Variants in FOXN3 observed in about 807,000 individuals in gnomAD.
The protein encoded by FOXN3 is forkhead box protein N3.
Under a neutral mutation model 38.4 loss-of-function variants are expected in FOXN3, and 7 were observed. That is an observed-to-expected ratio of 0.18 (90% CI 0.10 to 0.34). The LOEUF (loss-of-function observed/expected upper bound fraction) is 0.34. Among genes scored for constraint, FOXN3 ranks in the 10% least tolerant of loss-of-function variants. The pLI is 1.00. For synonymous variants in FOXN3, 230 were observed against 242.2 expected (o/e 0.95, Z 0.47); for missense variants, 456 against 613.4 (o/e 0.74, Z 2.71).
In FOXN3 at chr14:89,459,159, AAAAG is replaced by A. The variant is rs557531002; in HGVS notation, c.-14-46673_-14-46670del. 5.3e-3 allele frequency among the ~76,000 whole-genome samples: 807 copies of A among 152,290 alleles called. 12 individuals are homozygous for A. The highest frequency in any genetic ancestry group is 0.019 in the African/African-American group (786 of 41,546). On this transcript the variant is annotated intron_variant, in intron 1 of 6. Coordinates refer to the FOXN3 transcript ENST00000345097. ...GACCTGTGCTTGGTGAATCAGGAAA[AAAAG>A]AAGAAGAAGAAAAAAAGGGGAAAAA...
intron 1 of FOXN3, among the ~76,000 whole-genome samples, chr14:89,595,802 TTAAG>T (rs564529775): frequency 4.6e-5 from 7 of 152,362 alleles, no homozygotes; most frequent in South Asian, 2.1e-4. Context: ...ATTTCACGCA[TTAAG>T]TATGTTTTTT....
At chr14:89,166,551 C>A (rs555358352) in intron 5 of FOXN3, among the ~76,000 whole-genome samples, 2 of 152,264 alleles carry the variant, frequency 1.3e-5, no homozygotes, top group East Asian at 3.9e-4. Flanking sequence ...ATGGTTCAAG[C>A]AGGAATTCAA....
chr14:89,220,880 C>T (rs1026278784), intron 4 of FOXN3, among the ~76,000 whole-genome samples: 5 of 151,920 alleles, frequency 3.3e-5, no homozygotes, highest in African/African-American at 4.8e-5. Flanking sequence ...CGTGATAGAA[C>T]GATGACTGAA....
At chr14:89,609,306 A>T (rs1896344861) in intron 1 of FOXN3, among the ~76,000 whole-genome samples, 1 of 152,028 alleles carries the variant, frequency 6.6e-6, no homozygotes, top group Non-Finnish European at 1.5e-5. Context: ...AGCTCAAGTA[A>T]TCCTCCCACA....
chr14:89,252,116 A>G (rs1218981104), intron 4 of FOXN3, among the ~76,000 whole-genome samples: 1 of 152,236 alleles, frequency 6.6e-6, no homozygotes, highest in African/African-American at 2.4e-5. Context: ...AACCCTACAA[A>G]GTAGTGATTC....
chr14:89,450,587 T>C (rs916229497), intron 1 of FOXN3, among the ~76,000 whole-genome samples: 1 of 123,130 alleles, frequency 8.1e-6, no homozygotes, highest in African/African-American at 3.2e-5. Context: ...GACTTCATCT[T>C]TCCTTTTTTT....
chr14:89,242,319 T>TATAC (rs1487891887), intron 4 of FOXN3, among the ~76,000 whole-genome samples: 2 of 150,938 alleles, frequency 1.3e-5, no homozygotes, highest in Non-Finnish European at 3.0e-5. Flanking sequence ...CCCTCATATA[T>TATAC]ATATATATGC....
chr14:89,446,221 C>T (rs1172768790), intron 1 of FOXN3, among the ~76,000 whole-genome samples: 3 of 108,640 alleles, frequency 2.8e-5, no homozygotes, highest in African/African-American at 1.1e-4. Flanking sequence ...CAGAGTCTCA[C>T]TCTGTTCCCC....
intron 1 of FOXN3, among the ~76,000 whole-genome samples, chr14:89,511,213 TTCTTTCTTTCTTTCTTTTC>T (rs1359211715): frequency 0.2 from 4,526 of 22,802 alleles, 1,715 homozygotes; most frequent in Middle Eastern, 0.45. Context: ...TTTTCTTTCT[TTCTTTCTTTCTTTCTTTTC>T]TTTCCTTTTC....
intron 1 of FOXN3, among the ~76,000 whole-genome samples, chr14:89,461,955 C>T (rs1271104766): frequency 6.6e-6 from 1 of 152,190 alleles, no homozygotes; most frequent in African/African-American, 2.4e-5. Context: ...ATACGACAGG[C>T]CCCTTCTTCT....
intron 2 of FOXN3, among the ~76,000 whole-genome samples, chr14:89,369,773 T>C (rs1028254261): frequency 3.3e-5 from 5 of 152,190 alleles, no homozygotes; most frequent in Admixed American, 6.5e-5. Flanking sequence ...ATGATTCAAT[T>C]ACCTCCCCCT....
chr14:89,372,422 C>A (rs1566970967), intron 2 of FOXN3, among the ~76,000 whole-genome samples: 1 of 152,166 alleles, frequency 6.6e-6, no homozygotes, highest in African/African-American at 2.4e-5. Flanking sequence ...TCTAAACGCA[C>A]ATAAAAATTG....
chr14:89,344,057 G>A (rs1042932662), intron 3 of FOXN3, among the ~76,000 whole-genome samples: 1 of 152,024 alleles, frequency 6.6e-6, no homozygotes, highest in South Asian at 2.1e-4. Context: ...CCACCGCATC[G>A]AGCCGAGAAA....
chr14:89,539,777 T>C (rs934326712), intron 1 of FOXN3, among the ~76,000 whole-genome samples: 1 of 152,178 alleles, frequency 6.6e-6, no homozygotes, highest in African/African-American at 2.4e-5. Context: ...GAGACACTGA[T>C]GGGTGACAGA....
intron 1 of FOXN3, among the ~76,000 whole-genome samples, chr14:89,555,416 G>A (rs1306436431): frequency 2.0e-5 from 3 of 152,172 alleles, no homozygotes; most frequent in Non-Finnish European, 2.9e-5. Context: ...CTTCTCCATA[G>A]AAAGTAACAG....
intron 5 of FOXN3, among the ~76,000 whole-genome samples, chr14:89,178,141 A>G (rs1488915571): frequency 6.7e-6 from 1 of 150,260 alleles, no homozygotes; most frequent in African/African-American, 2.4e-5. Flanking sequence ...CAGAGTGGCT[A>G]GGTCACAGGT....
intron 1 of FOXN3, among the ~76,000 whole-genome samples, chr14:89,456,339 C>T (rs1004655844): frequency 6.6e-6 from 1 of 152,156 alleles, no homozygotes; most frequent in Non-Finnish European, 1.5e-5. Flanking sequence ...GCTGCTGTTG[C>T]CTGGTGTAAA....
chr14:89,498,369 C>T (rs908795658), intron 1 of FOXN3, among the ~76,000 whole-genome samples: 3 of 151,858 alleles, frequency 2.0e-5, no homozygotes, highest in African/African-American at 4.8e-5. Context: ...ACTACAGGCA[C>T]GTGCCACCAC....
intron 1 of FOXN3, among the ~76,000 whole-genome samples, chr14:89,478,625 G>T (rs1893258673): frequency 6.6e-6 from 1 of 152,110 alleles, no homozygotes; most frequent in East Asian, 1.9e-4. Flanking sequence ...TTAAGAGAAT[G>T]ATTTTATTTA....
Sources: allele counts gnomAD v4.1 joint callset (sites outside exome capture counted in the v4.1 genomes callset), GRCh38; gene constraint gnomAD v4.1.1; transcripts MANE v1.5; gene names NCBI Gene and HGNC (gene_info 2026-07-23, HGNC 2026-07-21).